Variants in CABLES1 observed in about 807,000 individuals in gnomAD.
CABLES1 encodes the protein CDK5 and ABL1 enzyme substrate 1.
In CABLES1, 36 loss-of-function variants were observed where a neutral mutation model predicts 57.8. That is an observed-to-expected ratio of 0.62 (90% CI 0.48 to 0.82). CABLES1 has a LOEUF of 0.82. CABLES1 is among the 40% of genes least tolerant of loss of function. The pLI, the probability that CABLES1 is intolerant of heterozygous loss-of-function variation, is 0.00. For synonymous variants in CABLES1, 374 were observed against 363.0 expected (o/e 1.03, Z -0.35); for missense variants, 767 against 836.6 (o/e 0.92, Z 1.03).
chr18:23,166,098 C>T (rs2047040506), intron 1 of CABLES1, among the ~76,000 whole-genome samples: 1 of 152,142 alleles, frequency 6.6e-6, no homozygotes, highest in Non-Finnish European at 1.5e-5. Flanking sequence ...GGCCTTCTAC[C>T]TATTATGTTC....
chr18:23,185,356 C>T (rs1351718119), intron 1 of CABLES1, among the ~76,000 whole-genome samples: 1 of 152,144 alleles, frequency 6.6e-6, no homozygotes, highest in Non-Finnish European at 1.5e-5. Flanking sequence ...CTGAAGGACG[C>T]AGGGGCTTCA....
At chr18:23,143,989 A>G (rs999462115) in intron 1 of CABLES1, among the ~76,000 whole-genome samples, 6 of 152,080 alleles carry the variant, frequency 3.9e-5, no homozygotes, top group Admixed American at 2.6e-4. Context: ...TTGCTGCCAT[A>G]CTGTGTTGTC....
chr18:23,149,512 G>A (rs1191109152), intron 1 of CABLES1, among the ~76,000 whole-genome samples: 1 of 152,138 alleles, frequency 6.6e-6, no homozygotes, highest in Non-Finnish European at 1.5e-5. Context: ...GAACTACTGA[G>A]CTCAAGCAGT....
intron 4 of CABLES1, among the ~76,000 whole-genome samples, chr18:23,223,289 G>A (rs2047502793): frequency 1.3e-5 from 2 of 152,054 alleles, no homozygotes; most frequent in Non-Finnish European, 2.9e-5. Flanking sequence ...GTAAGAAGAG[G>A]GCATTTTTGG....
At chr18:23,251,627 C>T (rs2048040096) in intron 7 of CABLES1, among the ~76,000 whole-genome samples, 1 of 152,114 alleles carries the variant, frequency 6.6e-6, no homozygotes, top group Non-Finnish European at 1.5e-5. Context: ...TCAGAAAGGA[C>T]TCCAAGGATC....
chr18:23,251,883 C>A (rs1409136066), intron 7 of CABLES1, among the ~76,000 whole-genome samples: 1 of 150,854 alleles, frequency 6.6e-6, no homozygotes, highest in Non-Finnish European at 1.5e-5. Context: ...GTCAGGAGTT[C>A]GAGACCAACC....
At chr18:23,155,981 C>T (rs2046962836) in intron 1 of CABLES1, 1 of 1,613,772 alleles carries the variant, frequency 6.2e-7, no homozygotes. Flanking sequence ...GCCTGGGTGA[C>T]CCAGAGAGCT....
rs1048101741 is a variant in CABLES1, at chr18:23,239,150, G to A, written c.1446+1905G>A. Among the ~76,000 whole-genome samples, 70 of 152,286 alleles carry A rather than the reference G, an allele frequency of 4.6e-4. 1 individual carries two copies. The highest frequency in any genetic ancestry group is 8.3e-4 in the South Asian group (4 of 4,822). ...CAGGCCGCAGTATGTGTGTATGTGC[G>A]TGTGCACGTATACACATACAACTTT... is the stretch of plus-strand genomic sequence containing the variant. On this transcript the variant is annotated intron_variant, in intron 7 of 9. Coordinates refer to ENST00000256925, the MANE Select transcript of CABLES1 (RefSeq NM_001100619.3).
chr18:23,155,756 T>C (rs2046961256), intron 1 of CABLES1: 1 of 1,412,490 alleles, frequency 7.1e-7, no homozygotes, highest in East Asian at 2.4e-5. Flanking sequence ...TTTTCCCCTA[T>C]GGCTTTAAGA....
intron 1 of CABLES1, among the ~76,000 whole-genome samples, chr18:23,149,420 C>T (rs1465664943): frequency 6.6e-6 from 1 of 151,968 alleles, no homozygotes; most frequent in East Asian, 1.9e-4. Flanking sequence ...TACTTGGGAC[C>T]CACAGGTATG....
At chr18:23,198,686 T>C (rs913469599) in intron 3 of CABLES1, among the ~76,000 whole-genome samples, 1 of 152,230 alleles carries the variant, frequency 6.6e-6, no homozygotes, top group Non-Finnish European at 1.5e-5. Flanking sequence ...CTGGCTTTGC[T>C]GGCTTTGAAG....
chr18:23,148,048 G>A (rs567944911), intron 1 of CABLES1, among the ~76,000 whole-genome samples: 85 of 148,318 alleles, frequency 5.7e-4, no homozygotes, highest in Admixed American at 2.3e-3. Flanking sequence ...GGAGTGCAGC[G>A]GCGTGATCTC....
At chr18:23,237,865 CCTGGGCGCTTTCT>C (rs2047641831) in intron 7 of CABLES1, among the ~76,000 whole-genome samples, 1 of 152,232 alleles carries the variant, frequency 6.6e-6, no homozygotes, top group South Asian at 2.1e-4. Flanking sequence ...CTGGCGGGGC[CCTGGGCGCTTTCT>C]CTGGGCCGAC....
chr18:23,212,637 T>TGG (rs2047413034), intron 3 of CABLES1, among the ~76,000 whole-genome samples: 1 of 152,114 alleles, frequency 6.6e-6, no homozygotes, highest in Admixed American at 6.5e-5. Context: ...CATGCATAGA[T>TGG]GGAGGGGCCA....
chr18:23,145,320 C>T (rs917494264), intron 1 of CABLES1, among the ~76,000 whole-genome samples: 2 of 151,822 alleles, frequency 1.3e-5, no homozygotes, highest in Non-Finnish European at 2.9e-5. Context: ...ATCTGCCTGT[C>T]TTGACCTTGT....
intron 4 of CABLES1, among the ~76,000 whole-genome samples, chr18:23,221,251 A>C (rs1199727950): frequency 6.6e-6 from 1 of 152,226 alleles, no homozygotes; most frequent in Non-Finnish European, 1.5e-5. Context: ...CTGCTCATAA[A>C]ATATTGTTTG....
intron 1 of CABLES1, among the ~76,000 whole-genome samples, chr18:23,145,885 T>G (rs2046889037): frequency 6.6e-6 from 1 of 152,220 alleles, no homozygotes; most frequent in African/African-American, 2.4e-5. Flanking sequence ...GACAAGAGCT[T>G]GTAAAGCAGA....
At chr18:23,181,430 A>G (rs1002941001) in intron 1 of CABLES1, among the ~76,000 whole-genome samples, 4 of 124,804 alleles carry the variant, frequency 3.2e-5, no homozygotes, top group Non-Finnish European at 6.4e-5. Flanking sequence ...CGGGAGGTAG[A>G]GGTTGTGGTA....
At chr18:23,226,545 C>T (rs1344766350) in intron 4 of CABLES1, among the ~76,000 whole-genome samples, 1 of 152,094 alleles carries the variant, frequency 6.6e-6, no homozygotes, top group Non-Finnish European at 1.5e-5. Flanking sequence ...TGCTTTTGGG[C>T]TGATTCAGTT....
Sources: allele counts gnomAD v4.1 joint callset (sites outside exome capture counted in the v4.1 genomes callset), GRCh38; gene constraint gnomAD v4.1.1; transcripts MANE v1.5; gene names NCBI Gene and HGNC (gene_info 2026-07-23, HGNC 2026-07-21).